CASP8: variants seen among roughly 807,000 people sequenced by gnomAD.
CASP8 encodes caspase-8.
CASP8 carries 24 observed loss-of-function variants against 46.3 expected under a neutral mutation model. The ratio of observed to expected loss-of-function variants is 0.52; its 90% CI spans 0.38 to 0.73. The LOEUF is 0.73. Ranked by LOEUF, CASP8 falls within the 30% of genes least tolerant of loss-of-function variation. The pLI is 0.00. For synonymous variants in CASP8, 188 were observed against 200.4 expected, an observed-to-expected ratio of 0.94 and a Z score of 0.52; for missense variants, 460 against 559.0, an observed-to-expected ratio of 0.82 and a Z score of 1.79.
At position 201,239,167 on chromosome 2, in the gene CASP8, C is replaced by T. The variant is rs537828888; in HGVS notation, c.-27+5055C>T. 1.9e-3 allele frequency among the ~76,000 whole-genome samples: 282 copies of T among 152,138 alleles called. 1 individual carries two copies. Among genetic ancestry groups the T allele is most frequent in the Non-Finnish European group, 3.0e-3 (207 of 67,986 alleles). On this transcript the variant is annotated intron_variant, in intron 2 of 6. Coordinates refer to the CASP8 transcript ENST00000264274. ...AATGAAAAGTCTCCCATGTCTACCT[C>T]TCTCTACACAGACACGGCAACCATC...
Position 201,260,600 on chromosome 2 carries a change from A to G in CASP8, c.-40A>G. The stretch of plus-strand genomic sequence containing the variant: ...ATAGGCCTGTGACGAAGGTGCTACC[A>G]TCGTGAGAGTAAGGTAAGGATTTGC... On this transcript the variant is annotated 5_prime_UTR_variant, in exon 1 of 9. Transcript: ENST00000673742. 1 of 978,850 alleles carries G rather than the reference A, an allele frequency of 1.0e-6. No individual in the cohort carries two copies. The highest frequency in any genetic ancestry group is 1.2e-6 in the Non-Finnish European group (1 of 823,922). 60.6% of individuals were successfully genotyped at this position (978,850 alleles called of 1,614,324 possible). A position where few individuals can be genotyped will look rare whatever the true frequency, so the allele number is the denominator to read the frequency against.
At chr2:201,281,414 T>C (rs945176607) in intron 7 of CASP8, among the ~76,000 whole-genome samples, 1 of 152,206 alleles carries the variant, frequency 6.6e-6, no homozygotes, top group African/African-American at 2.4e-5. Context: ...AAGAACTCAA[T>C]GCGAAAGTCT....
intron 1 of CASP8, among the ~76,000 whole-genome samples, chr2:201,265,986 T>G (rs1355146123): frequency 4.0e-5 from 6 of 151,552 alleles, no homozygotes; most frequent in African/African-American, 7.3e-5. Flanking sequence ...TTTGTGTTTT[T>G]TTTTTTTTTG....
In CASP8 at chr2:201,266,497, G is replaced by T. The variant is rs1456626812; in HGVS notation, c.11G>T (p.Ser4Ile). 1.2e-6 allele frequency: 2 copies of T among 1,613,884 alleles called. No individual in the cohort carries two copies. Among genetic ancestry groups the T allele is most frequent in the African/African-American group, 2.7e-5 (2 of 74,920 alleles). The change falls in exon 2 of 9, where the codon AGC (serine) becomes ATC (isoleucine). Residue 4 changes from serine to isoleucine, a missense_variant. By Grantham distance (142) the Ser-to-Ile change is moderately radical. Transcript: ENST00000673742. This position sits in a 1 kb window ranked among gnomAD's most constrained non-coding sequence, Gnocchi z 5.7. ...CTGCCTTTTAAAAAGATGGACTTCA[G>T]CAGAAATCTTTATGATATTGGGGAA... Reference protein sequence around the residue: MDFSRNLYDIGEQL... With the variant: MDFIRNLYDIGEQL...
At chr2:201,261,391 CAAAAA>C (rs11335061) in intron 1 of CASP8, among the ~76,000 whole-genome samples, 44 of 88,510 alleles carry the variant, frequency 5.0e-4, no homozygotes, top group African/African-American at 1.9e-3. Flanking sequence ...AACTCCGTCT[CAAAAA>C]AAAAAAAAAA....
chr2:201,281,730 T>C (rs1267973362), intron 7 of CASP8: 1 of 568,520 alleles, frequency 1.8e-6, no homozygotes, highest in Non-Finnish European at 2.9e-6. Context: ...TTTTTAAAAT[T>C]GGTTCAGTAG....
At chr2:201,236,992 G>A (rs2037815) in intron 2 of CASP8, among the ~76,000 whole-genome samples, 82,140 of 151,802 alleles carry the variant, frequency 0.54, 23,175 homozygotes, top group African/African-American at 0.69. Flanking sequence ...TTAAATCTTC[G>A]TAGTCTCTGA....
At chr2:201,252,299 C>G (rs1020361816) in intron 2 of CASP8, among the ~76,000 whole-genome samples, 3 of 151,688 alleles carry the variant, frequency 2.0e-5, no homozygotes, top group Non-Finnish European at 4.4e-5. Flanking sequence ...TTTTTTGAGA[C>G]AGAGTCTCGC....
chr2:201,275,213 AG>A (rs1446745353), intron 6 of CASP8, among the ~76,000 whole-genome samples: 3 of 152,068 alleles, frequency 2.0e-5, no homozygotes, highest in Non-Finnish European at 2.9e-5. Context: ...TGGAGGGTGG[AG>A]GGGGTAATAA....
In CASP8 at chr2:201,239,706, T is replaced by C. The variant is rs563973984; in HGVS notation, c.-27+5594T>C. ...CTCTTCAGTTTGGCAATTTTTTCCCTTTTCAAGCAAGGAGCTCCTCCCTGT... is the reference window on the plus strand; with the variant it reads ...CTCTTCAGTTTGGCAATTTTTTCCCCTTTCAAGCAAGGAGCTCCTCCCTGT... On this transcript the variant is annotated intron_variant, in intron 2 of 6. Transcript: ENST00000264274. Among the ~76,000 whole-genome samples the C allele has an allele frequency of 5.9e-5, 9 of 152,284 alleles. No homozygotes were observed. In the South Asian group the frequency reaches 1.9e-3, roughly 32 times the overall value.
In CASP8 at chr2:201,286,696, A is replaced by C; in HGVS notation, c.*102A>C. ...AGTGGCGTGATCTCGGCTCACCGCA[A>C]GCTCCGCCTCCCGGGTTCAGGCCAT... On this transcript the variant is annotated 3_prime_UTR_variant, in exon 9 of 9. Coordinates refer to ENST00000673742, the MANE Select transcript of CASP8 (RefSeq NM_001372051.1). 9.9e-7 allele frequency: 1 copy of C among 1,012,088 alleles called. No homozygotes were observed. The highest frequency in any genetic ancestry group is 1.5e-6 in the Non-Finnish European group (1 of 673,906). The allele number at this position is 1,012,088 out of a possible 1,614,324, so 62.7% of individuals were successfully genotyped here.
At chr2:201,243,787 A>G (rs1946397521) in intron 2 of CASP8, among the ~76,000 whole-genome samples, 1 of 152,210 alleles carries the variant, frequency 6.6e-6, no homozygotes, top group African/African-American at 2.4e-5. Context: ...GCATAACAGC[A>G]TGGCTGTCCC....
intron 1 of CASP8, among the ~76,000 whole-genome samples, chr2:201,261,402 A>G (rs1049357382): frequency 5.9e-5 from 9 of 152,022 alleles, no homozygotes; most frequent in Admixed American, 1.3e-4. Flanking sequence ...AAAAAAAAAA[A>G]AAAAAAAAAA....
intron 2 of CASP8, among the ~76,000 whole-genome samples, chr2:201,254,731 C>T (rs143395146): frequency 0.018 from 2,726 of 152,284 alleles, 41 homozygotes; most frequent in Non-Finnish European, 0.028. Context: ...CTGCTTTCAG[C>T]CGGCTGGTGG....
Position 201,284,878 on chromosome 2 carries a change from G to A in CASP8, c.865G>A (p.Val289Ile), listed in dbSNP as rs2125481050. 6.2e-7 allele frequency: 1 copy of A among 1,614,160 alleles called. No homozygotes were observed. Among genetic ancestry groups the A allele is most frequent in the South Asian group, 1.1e-5 (1 of 91,082 alleles). The change falls in exon 8 of 9, where the codon GTA (valine) becomes ATA (isoleucine). Residue 289 changes from valine (V) to isoleucine (I), a missense_variant. Transcript: ENST00000673742. Reference sequence around the variant, plus strand: ...GATCAAGCCCCACGATGACTGCACAGTAGAGCAAATCTATGAGATTTTGAA... The same window carrying A: ...GATCAAGCCCCACGATGACTGCACAATAGAGCAAATCTATGAGATTTTGAA... ...FEIKPHDDCT[V>I]EQIYEILKIY...
intron 2 of CASP8, among the ~76,000 whole-genome samples, chr2:201,244,463 TGGG>T (rs1186944981): frequency 1.3e-5 from 2 of 152,258 alleles, no homozygotes; most frequent in South Asian, 4.1e-4. Context: ...GCGCTCACGT[TGGG>T]GGAATTTTCC....
At chr2:201,281,657 TAA>T (rs1158717731) in intron 7 of CASP8, among the ~76,000 whole-genome samples, 1 of 152,258 alleles carries the variant, frequency 6.6e-6, no homozygotes, top group East Asian at 1.9e-4. Context: ...TAGGATAAAA[TAA>T]GTTGGATCTT....
At position 201,266,358 on chromosome 2, in the gene CASP8, C is replaced by T; in HGVS notation, c.-26-103C>T. The stretch of plus-strand genomic sequence containing the variant: ...GTTCTTTTTTTCTCTCCTGTGCTGA[C>T]AGCACAATGACCAGTACCTAGTAGT... On this transcript the variant is annotated intron_variant, in intron 1 of 8. Transcript: ENST00000673742. This position sits in a 1 kb window ranked among gnomAD's most constrained non-coding sequence, Gnocchi z 5.7. 1.2e-6 allele frequency: 1 copy of T among 852,244 alleles called. No homozygotes were observed. The highest frequency in any genetic ancestry group is 1.9e-6 in the Non-Finnish European group (1 of 515,148). The allele number at this position is 852,244 out of a possible 1,614,324, so 52.8% of individuals were successfully genotyped here. A position where few individuals can be genotyped will look rare whatever the true frequency, so the allele number is the denominator to read the frequency against.
At chr2:201,260,476 G>A, upstream of CASP8, 1 of 914,396 alleles carries the variant, frequency 1.1e-6, no homozygotes, top group Non-Finnish European at 1.3e-6. Flanking sequence ...TAGTGTTTGT[G>A]ACTCAGGAGT....
Sources: gnomAD v4.1 joint callset for allele counts (sites outside exome capture counted in the v4.1 genomes callset) on GRCh38, gnomAD v4.1.1 for gene constraint, Gnocchi (gnomAD v3.1) non-coding constraint, MANE v1.5 for transcripts, NCBI Gene and HGNC (gene_info 2026-07-23, HGNC 2026-07-21) for gene names.